Variants in CLTA observed in about 807,000 individuals in gnomAD.
The protein encoded by CLTA is clathrin, light polypeptide (Lca).
CLTA carries 9 observed loss-of-function variants against 26.9 expected under a neutral mutation model. The ratio of observed to expected loss-of-function variants is 0.33; its 90% CI spans 0.20 to 0.58. CLTA has a LOEUF of 0.58. Among genes scored for constraint, CLTA ranks in the 20% least tolerant of loss-of-function variants. CLTA has a pLI of 0.85. For synonymous variants in CLTA, 120 were observed against 115.5 expected, an observed-to-expected ratio of 1.04 and a Z score of -0.25; for missense variants, 278 against 294.2, an observed-to-expected ratio of 0.94 and a Z score of 0.40.
chr9:36,206,288 G>A (rs1022508023), intron 4 of CLTA, among the ~76,000 whole-genome samples: 1 of 149,864 alleles, frequency 6.7e-6, no homozygotes, highest in African/African-American at 2.4e-5. Flanking sequence ...GCACAGGGCT[G>A]ACTCTTGAGA....
In CLTA at chr9:36,194,795, C is replaced by G. The variant is rs147035870; in HGVS notation, c.218-2756C>G. On this transcript the variant is annotated intron_variant, in intron 1 of 4. Coordinates refer to ENST00000345519, the MANE Select transcript of CLTA (RefSeq NM_001833.4). The stretch of plus-strand genomic sequence containing the variant: ...GTTGTTGTAGTAAGTCAAGGCCCTA[C>G]ATGTCCTTTCTGCATGTTTCCACAG... 2.8e-3 allele frequency among the ~76,000 whole-genome samples: 421 copies of G among 152,368 alleles called. 3 individuals are homozygous for G. The highest frequency in any genetic ancestry group is 9.6e-3 in the African/African-American group (400 of 41,586).
intron 4 of CLTA, among the ~76,000 whole-genome samples, chr9:36,205,402 C>T (rs1240407055): frequency 3.3e-5 from 5 of 152,108 alleles, no homozygotes; most frequent in Non-Finnish European, 7.4e-5. Context: ...CTGACAGGTC[C>T]AGGCTCCTGT....
At chr9:36,203,201 C>T (rs1827520927) in intron 3 of CLTA, among the ~76,000 whole-genome samples, 1 of 152,102 alleles carries the variant, frequency 6.6e-6, no homozygotes, top group African/African-American at 2.4e-5. Flanking sequence ...TTAGAGAAAA[C>T]CATATTTAGT....
chr9:36,200,187 T>TTTTTTC (rs1362671552), intron 3 of CLTA, among the ~76,000 whole-genome samples: 2 of 152,158 alleles, frequency 1.3e-5, no homozygotes, highest in African/African-American at 4.8e-5. Context: ...CTTTTCTTTG[T>TTTTTTC]TTTTTCTTTT....
intron 2 of CLTA, among the ~76,000 whole-genome samples, chr9:36,198,077 A>C (rs543997726): frequency 6.9e-6 from 1 of 145,922 alleles, no homozygotes; most frequent in East Asian, 2.0e-4. Flanking sequence ...TCTCATTGCA[A>C]CCTCCACCTT....
intron 1 of CLTA, among the ~76,000 whole-genome samples, chr9:36,193,515 G>A (rs1285591826): frequency 2.0e-5 from 3 of 151,772 alleles, no homozygotes; most frequent in Non-Finnish European, 4.4e-5. Context: ...ACATTAAAGA[G>A]TGTCTATAAA....
In CLTA at chr9:36,199,745, C is replaced by T. The variant is rs193257513; in HGVS notation, c.373+649C>T. ...CTGGGATTACAGGCGTGAGCCACCG[C>T]GCCCGGCCTCCATTTTTTATTTGAA... On this transcript the variant is annotated intron_variant, in intron 3 of 4. Coordinates refer to ENST00000345519, the MANE Select transcript of CLTA (RefSeq NM_001833.4). 1.5e-3 allele frequency among the ~76,000 whole-genome samples: 223 copies of T among 152,216 alleles called. 2 individuals carry two copies. The highest frequency in any genetic ancestry group is 3.4e-3 in the Middle Eastern group (1 of 294).
chr9:36,191,158 C>A lies in CLTA; in HGVS notation c.102C>A (p.Ala34=). 1.3e-5 allele frequency: 20 copies of A among 1,598,326 alleles called. No individual in the cohort carries two copies. Among genetic ancestry groups the A allele is most frequent in the Non-Finnish European group, 1.7e-5 (20 of 1,174,744 alleles). ...CCGGCGAAGAAGACCCGGCTGCGGC[C>A]TTCTTGGCGCAGCAAGAGAGCGAGA... The part of the protein sequence containing the change: ...AGAGEEDPAA[A]FLAQQESEIA... The change falls in exon 1 of 5, where the codon GCC becomes GCA. Residue 34 remains alanine, a synonymous_variant. Transcript: ENST00000345519.
rs991338713 is a variant in CLTA, at chr9:36,203,336, C to T, written c.374-732C>T. Among the ~76,000 whole-genome samples, 3 of 152,042 alleles carry T rather than the reference C, an allele frequency of 2.0e-5. No individual in the cohort carries two copies. The East Asian group carries it at 5.8e-4, about 29-fold the overall frequency. On this transcript the variant is annotated intron_variant, in intron 3 of 4. Transcript: ENST00000345519. ...TAGCAATGATCCCATACCTCTACCCCCTGCACTTCTCTCCAGTGGAGTTTC... is the reference window on the plus strand; with the variant it reads ...TAGCAATGATCCCATACCTCTACCCTCTGCACTTCTCTCCAGTGGAGTTTC...
At chr9:36,196,935 AGACC>A (rs1827083566) in intron 1 of CLTA, among the ~76,000 whole-genome samples, 1 of 152,162 alleles carries the variant, frequency 6.6e-6, no homozygotes, top group Admixed American at 6.5e-5. Flanking sequence ...ATACTTTGGG[AGACC>A]GAGGCGGGTG....
chr9:36,197,997 CT>C (rs11308341), intron 2 of CLTA, among the ~76,000 whole-genome samples: 27,952 of 103,292 alleles, frequency 0.27, 1,421 homozygotes, highest in Middle Eastern at 0.37. Flanking sequence ...TTATTTGAGT[CT>C]TTTTTTTTTT....
chr9:36,201,852 C>A (rs946210412), intron 3 of CLTA, among the ~76,000 whole-genome samples: 6 of 152,026 alleles, frequency 3.9e-5, no homozygotes, highest in African/African-American at 1.5e-4. Flanking sequence ...TGGCTCAGGT[C>A]TGTAATCCCA....
chr9:36,201,162 G>A (rs1341559021), intron 3 of CLTA, among the ~76,000 whole-genome samples: 1 of 152,138 alleles, frequency 6.6e-6, no homozygotes, highest in African/African-American at 2.4e-5. Flanking sequence ...TTTTTTGAGA[G>A]AAGTACAACA....
At chr9:36,195,416 A>G (rs1424614959) in intron 1 of CLTA, among the ~76,000 whole-genome samples, 1 of 152,254 alleles carries the variant, frequency 6.6e-6, no homozygotes, top group Non-Finnish European at 1.5e-5. Context: ...AAAATAGGCA[A>G]ACTCAGAAAA....
chr9:36,204,286 T>C (rs1827594338), intron 4 of CLTA, 107 bp downstream of exon 4: 9 of 1,234,446 alleles, frequency 7.3e-6, no homozygotes. Context: ...GTGTGAAATG[T>C]CTGCAGTTTT....
chr9:36,191,589 C>G (rs1275341190), intron 1 of CLTA, among the ~76,000 whole-genome samples: 1 of 152,186 alleles, frequency 6.6e-6, no homozygotes, highest in East Asian at 1.9e-4. Flanking sequence ...TTAGTCCGGT[C>G]TCTGAAGCAA....
intron 2 of CLTA, 44 bp from the exon 3 acceptor site, chr9:36,198,935 G>T: frequency 7.3e-7 from 1 of 1,374,210 alleles, no homozygotes; most frequent in Non-Finnish European, 1.0e-6. Context: ...ATTTTAGGAA[G>T]GAATTTTTGG....
intron 3 of CLTA, 96 bp downstream of exon 3, chr9:36,199,192 C>G: frequency 1.2e-6 from 1 of 813,418 alleles, no homozygotes; most frequent in Non-Finnish European, 2.2e-6. Flanking sequence ...TAACCAGTGT[C>G]ATTGTCTGGT....
At chr9:36,196,583 G>A (rs974955864) in intron 1 of CLTA, among the ~76,000 whole-genome samples, 1 of 151,752 alleles carries the variant, frequency 6.6e-6, no homozygotes, top group East Asian at 2.0e-4. Flanking sequence ...TCCTGACCTC[G>A]AGTGATCCTC....
Sources: allele counts gnomAD v4.1 joint callset (sites outside exome capture counted in the v4.1 genomes callset), GRCh38; gene constraint gnomAD v4.1.1; transcripts MANE v1.5; gene names NCBI Gene and HGNC (gene_info 2026-07-23, HGNC 2026-07-21).